Variants in ELAPOR2 observed in about 807,000 individuals in gnomAD.
ELAPOR2 encodes the protein endosome-lysosome associated apoptosis and autophagy regulator family member 2.
Under a neutral mutation model 120.7 loss-of-function variants are expected in ELAPOR2, and 89 were observed. The ratio of observed to expected loss-of-function variants is 0.74; its 90% CI spans 0.62 to 0.88. The LOEUF (loss-of-function observed/expected upper bound fraction) is 0.88. Among genes scored for constraint, ELAPOR2 ranks in the 40% least tolerant of loss-of-function variants. The pLI is 0.00. For missense variants in ELAPOR2, 1,134 were observed against 1,251.6 expected (o/e 0.91, Z 1.42); for synonymous variants, 444 against 444.9 (o/e 1.00, Z 0.03).
intron 1 of ELAPOR2, among the ~76,000 whole-genome samples, chr7:86,973,310 A>G (rs1792168184): frequency 1.3e-5 from 2 of 152,254 alleles, no homozygotes; most frequent in African/African-American, 4.8e-5. Flanking sequence ...TTCATATATG[A>G]AATATTGAAA....
chr7:86,893,245 G>A (rs1788267530), intron 19 of ELAPOR2, 145 bp from the exon 20 acceptor site: 2 of 564,276 alleles, frequency 3.5e-6, no homozygotes, highest in African/African-American at 4.0e-5. Context: ...AGGCATAGAG[G>A]ATTATTCAGC....
At chr7:86,930,307 A>T (rs1423650507) in intron 8 of ELAPOR2, among the ~76,000 whole-genome samples, 1 of 151,946 alleles carries the variant, frequency 6.6e-6, no homozygotes, top group African/African-American at 2.4e-5. Context: ...TATTAGAAAA[A>T]TTTTATTTTA....
At chr7:86,993,332 T>C (rs1372109423) in intron 1 of ELAPOR2, among the ~76,000 whole-genome samples, 1 of 151,870 alleles carries the variant, frequency 6.6e-6, no homozygotes. Flanking sequence ...TGAGTTCACT[T>C]AACCATCCTG....
At chr7:86,956,869 C>T (rs962821548) in intron 2 of ELAPOR2, among the ~76,000 whole-genome samples, 4 of 152,094 alleles carry the variant, frequency 2.6e-5, no homozygotes, top group African/African-American at 7.2e-5. Flanking sequence ...ACAATACATC[C>T]GTGAAATCAG....
At chr7:86,890,875 G>A (rs1324158420) in intron 21 of ELAPOR2, among the ~76,000 whole-genome samples, 3 of 151,998 alleles carry the variant, frequency 2.0e-5, no homozygotes, top group South Asian at 2.1e-4. Flanking sequence ...ACAAGGAAAT[G>A]GTTACTATTA....
intron 14 of ELAPOR2, among the ~76,000 whole-genome samples, 175 bp from the exon 15 acceptor site, chr7:86,912,420 C>CA (rs1398233865): frequency 6.6e-6 from 1 of 150,634 alleles, no homozygotes; most frequent in African/African-American, 2.5e-5. Context: ...TTTTTCTAAA[C>CA]AAAGTTCAGA....
intron 1 of ELAPOR2, among the ~76,000 whole-genome samples, chr7:86,970,121 C>T (rs1792056210): frequency 6.6e-6 from 1 of 152,092 alleles, no homozygotes; most frequent in South Asian, 2.1e-4. Context: ...TAGTAAACTG[C>T]CAATGAGAAA....
intron 3 of ELAPOR2, among the ~76,000 whole-genome samples, chr7:86,946,343 G>T (rs960731795): frequency 6.6e-6 from 1 of 152,166 alleles, no homozygotes; most frequent in Non-Finnish European, 1.5e-5. Context: ...TTTTTAGAAA[G>T]TTCAACATAC....
intron 1 of ELAPOR2, among the ~76,000 whole-genome samples, chr7:86,966,774 C>T (rs1317957598): frequency 6.6e-6 from 1 of 152,194 alleles, no homozygotes; most frequent in Non-Finnish European, 1.5e-5. Flanking sequence ...CGCCAGGCCA[C>T]ACTCCCTTAG....
intron 1 of ELAPOR2, among the ~76,000 whole-genome samples, chr7:87,031,110 G>A (rs1341632533): frequency 6.6e-6 from 1 of 152,138 alleles, no homozygotes; most frequent in African/African-American, 2.4e-5. Context: ...CAACATGTGG[G>A]AATTATGGGA....
At chr7:86,959,983 G>T (rs926591898) in intron 2 of ELAPOR2, among the ~76,000 whole-genome samples, 2 of 151,952 alleles carry the variant, frequency 1.3e-5, no homozygotes, top group African/African-American at 4.8e-5. Context: ...TTAAGAGTGT[G>T]GTTTAATTTC....
chr7:86,909,936 C>A lies in ELAPOR2; in HGVS notation c.2235G>T (p.Gly745=), dbSNP rs1291078923. ...TDFTVKEIVA[G]SDDYTNLVGA... is the part of the protein sequence containing the mutation. ...CTACCAAATTTGTGTAATCATCTGA[C>A]CCTGCCACTATTTCTTTTACTGTAA... is the stretch of plus-strand genomic sequence containing the variant. The change falls in exon 16 of 22, where the codon GGG becomes GGT. Residue 745 remains glycine, a synonymous_variant. Transcript: ENST00000450689. 6.2e-7 allele frequency: 1 copy of A among 1,613,130 alleles called. No individual in the cohort carries two copies. Among genetic ancestry groups the A allele is most frequent in the Admixed American group, 1.7e-5 (1 of 59,932 alleles).
intron 2 of ELAPOR2, among the ~76,000 whole-genome samples, chr7:86,962,150 T>A (rs902666394): frequency 6.6e-6 from 1 of 152,190 alleles, no homozygotes; most frequent in African/African-American, 2.4e-5. Context: ...TTATGTAATC[T>A]TTAAAAAACA....
chr7:87,002,616 C>A (rs1793354678), intron 1 of ELAPOR2, among the ~76,000 whole-genome samples: 2 of 152,076 alleles, frequency 1.3e-5, no homozygotes, highest in Non-Finnish European at 2.9e-5. Context: ...CAGGGGTAGG[C>A]AGAACACTCC....
intron 8 of ELAPOR2, among the ~76,000 whole-genome samples, chr7:86,928,224 G>T (rs549240053): frequency 3.3e-5 from 5 of 151,852 alleles, no homozygotes; most frequent in African/African-American, 9.7e-5. Flanking sequence ...GTAAAATAAT[G>T]GCTGCTCCTG....
At chr7:87,022,186 G>T (rs564932426) in intron 1 of ELAPOR2, among the ~76,000 whole-genome samples, 2 of 151,352 alleles carry the variant, frequency 1.3e-5, no homozygotes, top group African/African-American at 4.9e-5. Context: ...CAATTAACTC[G>T]TCATTTAACA....
chr7:86,954,765 A>G (rs1584391730), intron 2 of ELAPOR2, among the ~76,000 whole-genome samples: 1 of 152,232 alleles, frequency 6.6e-6, no homozygotes, highest in Non-Finnish European at 1.5e-5. Flanking sequence ...GTGGGGAAAT[A>G]TAAAGTAAAT....
chr7:86,926,209 T>G (rs913570924), intron 9 of ELAPOR2, among the ~76,000 whole-genome samples: 3 of 152,020 alleles, frequency 2.0e-5, no homozygotes, highest in Non-Finnish European at 2.9e-5. Flanking sequence ...TAAATTGACA[T>G]CTGCAAAATT....
chr7:86,931,667 T>C (rs1790334506), intron 8 of ELAPOR2, among the ~76,000 whole-genome samples: 1 of 151,858 alleles, frequency 6.6e-6, no homozygotes, highest in Non-Finnish European at 1.5e-5. Flanking sequence ...ATACTAGGCT[T>C]AGAGATTTTT....
Sources: allele counts gnomAD v4.1 joint callset (sites outside exome capture counted in the v4.1 genomes callset), GRCh38; gene constraint gnomAD v4.1.1; transcripts MANE v1.5; gene names NCBI Gene and HGNC (gene_info 2026-07-23, HGNC 2026-07-21).